Variants in MYO5C observed in about 807,000 individuals in gnomAD.
MYO5C encodes the protein myosin VC, also known as unconventional myosin-Vc.
A neutral mutation model predicts 235.7 loss-of-function variants in MYO5C; 194 were observed. That is an observed-to-expected ratio of 0.82 (90% CI 0.73 to 0.93). The LOEUF (loss-of-function observed/expected upper bound fraction) is 0.93. MYO5C is among the 40% of genes least tolerant of loss of function. The pLI is 0.00. For missense variants in MYO5C, 2,038 were observed against 2,127.2 expected (o/e 0.96, Z 0.82); for synonymous variants, 707 against 754.8 (o/e 0.94, Z 1.04).
Position 52,259,813 on chromosome 15 carries a change from G to C in MYO5C, c.1313+1049C>G, listed in dbSNP as rs183161295. ...ATGGGAAAAGCTGCCTCTCCACCTGGGTGCAAGTCCAACAGCGTGGTGTGG... is the reference window on the plus strand; with the variant it reads ...ATGGGAAAAGCTGCCTCTCCACCTGCGTGCAAGTCCAACAGCGTGGTGTGG... On this transcript the variant is annotated intron_variant, in intron 10 of 40. Coordinates refer to ENST00000261839, the MANE Select transcript of MYO5C (RefSeq NM_018728.4). Among the ~76,000 whole-genome samples, 311 of 152,346 alleles carry C rather than the reference G, an allele frequency of 2.0e-3. 2 individuals carry two copies. The highest frequency in any genetic ancestry group is 0.014 in the Middle Eastern group (4 of 294).
intron 38 of MYO5C, among the ~76,000 whole-genome samples, chr15:52,197,850 GGT>G (rs1434687611): frequency 7.9e-5 from 12 of 151,846 alleles, no homozygotes; most frequent in African/African-American, 2.9e-4. Flanking sequence ...TGGCCAGGCT[GGT>G]CTTGAACACC....
intron 1 of MYO5C, among the ~76,000 whole-genome samples, chr15:52,286,207 G>C (rs537759049): frequency 6.6e-6 from 1 of 150,982 alleles, no homozygotes; most frequent in Non-Finnish European, 1.5e-5. Context: ...CAGCCGCCCC[G>C]TCCGGGAGGG....
chr15:52,288,119 G>A (rs925606856), intron 1 of MYO5C, among the ~76,000 whole-genome samples: 1 of 152,190 alleles, frequency 6.6e-6, no homozygotes, highest in African/African-American at 2.4e-5. Flanking sequence ...AAGTCACTAG[G>A]CCAATCAATC....
intron 30 of MYO5C, among the ~76,000 whole-genome samples, chr15:52,220,481 T>G (rs532925644): frequency 1.3e-5 from 2 of 152,194 alleles, no homozygotes; most frequent in South Asian, 4.1e-4. Flanking sequence ...GTCTCCCACA[T>G]AGCTGGGACT....
chr15:52,286,405 C>A (rs1373943522), intron 1 of MYO5C, among the ~76,000 whole-genome samples: 14 of 152,044 alleles, frequency 9.2e-5, no homozygotes, highest in African/African-American at 3.1e-4. Flanking sequence ...AAGTGAGGAG[C>A]CCCTCTGCCC....
Position 52,282,877 on chromosome 15 carries a change from T to A in MYO5C, c.43A>T (p.Ile15Phe). The change falls in exon 2 of 41, where the codon ATT becomes TTT. Residue 15 changes from isoleucine to phenylalanine, a missense_variant. Transcript: ENST00000261839. ...TTCCAAACTTCTTCAGGATCGGGAA[T>A]CCAGACCCTGTTGTACTGACCAACA... The part of the protein sequence containing the change: ...ELYTQYNRVW[I>F]PDPEEVWKSA... The A allele has an allele frequency of 1.9e-6, 3 of 1,613,288 alleles. No individual in the cohort carries two copies. The highest frequency in any genetic ancestry group is 2.2e-5 in the South Asian group (2 of 91,056).
chr15:52,287,140 T>C (rs140062484), intron 1 of MYO5C, among the ~76,000 whole-genome samples: 2 of 152,010 alleles, frequency 1.3e-5, no homozygotes, highest in Non-Finnish European at 2.9e-5. Flanking sequence ...CCTAAATCAT[T>C]TGAGTTGCTT....
At chr15:52,281,062 A>T (rs2037153617) in intron 2 of MYO5C, among the ~76,000 whole-genome samples, 2 of 152,198 alleles carry the variant, frequency 1.3e-5, no homozygotes, top group Non-Finnish European at 2.9e-5. Context: ...TTTGAAAATA[A>T]AATCAGGAAA....
At chr15:52,259,246 C>G (rs1023771343) in intron 10 of MYO5C, among the ~76,000 whole-genome samples, 3 of 151,948 alleles carry the variant, frequency 2.0e-5, no homozygotes, top group African/African-American at 4.8e-5. Context: ...CGGTGAAACC[C>G]AGTCTCTACT....
Position 52,193,002 on chromosome 15 carries a change from C to T in MYO5C, c.*900G>A, listed in dbSNP as rs983413871. 2.6e-5 allele frequency: 4 copies of T among 152,148 alleles called. No individual in the cohort carries two copies. The highest frequency in any genetic ancestry group is 9.6e-5 in the African/African-American group (4 of 41,500). 9.4% of individuals were successfully genotyped at this position (152,148 alleles called of 1,614,324 possible). A position where few individuals can be genotyped will look rare whatever the true frequency, so the allele number is the denominator to read the frequency against. On this transcript the variant is annotated 3_prime_UTR_variant, in exon 41 of 41. Transcript: ENST00000261839. ...TAAAAATACTTCAAATGATTCATCT[C>T]GGATTGAACACTCTTAAAAATTAAA...
intron 1 of MYO5C, among the ~76,000 whole-genome samples, chr15:52,288,914 C>G (rs528080776): frequency 1.7e-3 from 252 of 152,322 alleles, no homozygotes; most frequent in African/African-American, 5.8e-3. Context: ...CAGCCACCCC[C>G]CCAAGGCACA....
intron 13 of MYO5C, 88 bp downstream of exon 13, chr15:52,251,302 T>C: frequency 1.6e-6 from 2 of 1,284,474 alleles, no homozygotes; most frequent in Non-Finnish European, 2.1e-6. Context: ...GACTTGAATC[T>C]GATCAGAAAC....
chr15:52,238,566 G>C (rs990632728), intron 21 of MYO5C, among the ~76,000 whole-genome samples: 1 of 152,176 alleles, frequency 6.6e-6, no homozygotes. Context: ...TGAGTTTTAC[G>C]GATCTAGACA....
At chr15:52,257,657 C>T (rs1160168186) in intron 10 of MYO5C, among the ~76,000 whole-genome samples, 1 of 152,172 alleles carries the variant, frequency 6.6e-6, no homozygotes, top group South Asian at 2.1e-4. Context: ...TAACACAGCC[C>T]TATGTGAAGG....
At chr15:52,249,158 A>C (rs1274399386) in intron 13 of MYO5C, among the ~76,000 whole-genome samples, 1 of 152,232 alleles carries the variant, frequency 6.6e-6, no homozygotes, top group Non-Finnish European at 1.5e-5. Flanking sequence ...CATTGGGTTC[A>C]AACAGACATC....
At chr15:52,253,490 C>T (rs561939854) in intron 11 of MYO5C, 33 bp from the exon 12 acceptor site, 2 of 1,593,246 alleles carry the variant, frequency 1.3e-6, no homozygotes, top group African/African-American at 2.7e-5. Flanking sequence ...GAAAGTAAAA[C>T]AGAATATTAA....
rs1014267341 is a variant in MYO5C, at chr15:52,242,149, G to A, written c.2455C>T (p.Arg819Cys). 4.3e-6 allele frequency: 7 copies of A among 1,614,004 alleles called. No individual in the cohort carries two copies. The highest frequency in any genetic ancestry group is 3.3e-5 in the Admixed American group (2 of 59,996). Reference sequence around the variant, plus strand: ...TACAGGCTGCGAACAAGATACCCGCGGCAGTGCTTCTGAATGATTATGGCT... The same window carrying A: ...TACAGGCTGCGAACAAGATACCCGCAGCAGTGCTTCTGAATGATTATGGCT... ...WAAIIIQKHC[R>C]GYLVRSLYQL... is the part of the protein sequence containing the mutation. The change falls in exon 20 of 41, where the codon CGC (arginine) becomes TGC (cysteine). Residue 819 changes from arginine to cysteine, a missense_variant. Coordinates refer to ENST00000261839, the MANE Select transcript of MYO5C (RefSeq NM_018728.4).
chr15:52,293,290 C>T (rs1036074355), intron 1 of MYO5C, among the ~76,000 whole-genome samples: 2 of 152,112 alleles, frequency 1.3e-5, no homozygotes, highest in Non-Finnish European at 2.9e-5. Flanking sequence ...CCTCTCACTC[C>T]TTGCACAGAT....
chr15:52,223,504 G>A, intron 29 of MYO5C, 40 bp downstream of exon 29: 1 of 1,585,568 alleles, frequency 6.3e-7, no homozygotes, highest in Non-Finnish European at 8.6e-7. Context: ...AACAACTCTA[G>A]TATGATGGCC....
Sources: allele counts gnomAD v4.1 joint callset (sites outside exome capture counted in the v4.1 genomes callset), GRCh38; gene constraint gnomAD v4.1.1; transcripts MANE v1.5; gene names NCBI Gene and HGNC (gene_info 2026-07-23, HGNC 2026-07-21).